Variants in PRR14L observed in about 807,000 individuals in gnomAD.
PRR14L encodes the protein protein PRR14L.
A neutral mutation model predicts 155.0 loss-of-function variants in PRR14L; 80 were observed. The observed-to-expected ratio is 0.52, with a 90% CI of 0.43 to 0.62. PRR14L has a LOEUF of 0.62. PRR14L is among the 20% of genes least tolerant of loss of function. PRR14L has a pLI of 0.00. For missense variants in PRR14L, 2,469 were observed against 2,548.0 expected, an observed-to-expected ratio of 0.97 and a Z score of 0.67; for synonymous variants, 883 against 916.0, an observed-to-expected ratio of 0.96 and a Z score of 0.65.
At chr22:31,701,547 A>G (rs572395607) in intron 7 of PRR14L, 109 bp downstream of exon 7, 37 of 611,732 alleles carry the variant, frequency 6.0e-5, no homozygotes, top group South Asian at 5.4e-4. Context: ...ATAAATTCCT[A>G]GAAATGTAAT....
At position 31,682,516 on chromosome 22, in the gene PRR14L, G is replaced by A. The variant is rs555823256; in HGVS notation, c.*3011C>T. 1.3e-5 allele frequency: 2 copies of A among 151,920 alleles called. No individual in the cohort carries two copies. Among genetic ancestry groups the A allele is most frequent in the Admixed American group, 1.3e-4 (2 of 15,078 alleles). The allele number at this position is 151,920 out of a possible 1,614,324, so 9.4% of individuals were successfully genotyped here. ...GCTGAACTCATGGAGACATGAAGCT[G>A]GAAAGGAGACCAAAAGCAAAAAAAG... On this transcript the variant is annotated 3_prime_UTR_variant, in exon 9 of 9. Coordinates refer to ENST00000327423, the MANE Select transcript of PRR14L (RefSeq NM_173566.3).
At position 31,712,660 on chromosome 22, in the gene PRR14L, T is replaced by A; in HGVS notation, c.5179A>T (p.Ser1727Cys). 1 of 1,551,756 alleles carries A rather than the reference T, an allele frequency of 6.4e-7. No individual in the cohort carries two copies. The highest frequency in any genetic ancestry group is 8.7e-7 in the Non-Finnish European group (1 of 1,147,004). Residue 1727 changes from serine (S) to cysteine (C), a missense_variant, in exon 4 of 9, where the codon AGC becomes TGC. Ser to Cys is a moderately radical substitution (Grantham distance 112). Transcript: ENST00000327423. ...GAGGACTCAGTCGTGCAATCTGAGC[T>A]GGATGATTTCACATGAAAGGATACT... ...FPVSFHVKSS[S>C]SDCTTESSRT...
intron 2 of PRR14L, among the ~76,000 whole-genome samples, chr22:31,733,384 A>C (rs1228782638): frequency 2.1e-5 from 1 of 46,906 alleles, no homozygotes; most frequent in African/African-American, 1.1e-4. Flanking sequence ...GGCTCACTGC[A>C]ACCTCCGCCT....
At chr22:31,707,270 A>C (rs1350127855) in intron 4 of PRR14L, among the ~76,000 whole-genome samples, 2 of 152,246 alleles carry the variant, frequency 1.3e-5, no homozygotes, top group East Asian at 3.8e-4. Flanking sequence ...GAGGTGGGAA[A>C]GAAAGAGCTC....
At chr22:31,709,533 GTTTTTT>G (rs35320368) in intron 4 of PRR14L, among the ~76,000 whole-genome samples, 6 of 88,546 alleles carry the variant, frequency 6.8e-5, no homozygotes, top group African/African-American at 1.8e-4. Context: ...CGCCTGTGGG[GTTTTTT>G]TTTTTTTTTT....
At chr22:31,742,367 CT>C (rs66721130) in intron 1 of PRR14L, among the ~76,000 whole-genome samples, 32,123 of 142,826 alleles carry the variant, frequency 0.22, 4,406 homozygotes, top group African/African-American at 0.43. Flanking sequence ...AAAACTCTTC[CT>C]TTTTTTTTTT....
At chr22:31,746,716 A>G (rs1359799891) in intron 1 of PRR14L, among the ~76,000 whole-genome samples, 1 of 152,210 alleles carries the variant, frequency 6.6e-6, no homozygotes, top group Admixed American at 6.5e-5. Flanking sequence ...TATTCCAGTA[A>G]AAGTAGAAAT....
rs1029607862 is a variant in PRR14L at position 31,719,389 on chromosome 22, G to GT, written c.548-2099dup. 2.0e-5 allele frequency among the ~76,000 whole-genome samples: 3 copies of GT among 151,376 alleles called. No homozygotes were observed. The East Asian group carries it at 5.8e-4, about 29-fold the overall frequency. On this transcript the variant is annotated intron_variant, in intron 3 of 8. Transcript: ENST00000327423. ...ATTGCACTACTGCACTCCAGCCTGG[G>GT]TAACAGAGTAAGCGACCTTGTCTCA...
At chr22:31,701,014 T>C (rs2074560488) in intron 7 of PRR14L, among the ~76,000 whole-genome samples, 1 of 149,514 alleles carries the variant, frequency 6.7e-6, no homozygotes, top group Non-Finnish European at 1.5e-5. Flanking sequence ...TGAGACGGAG[T>C]TTTGCTCTTG....
At chr22:31,698,941 A>T (rs1219752699) in intron 7 of PRR14L, among the ~76,000 whole-genome samples, 2 of 152,088 alleles carry the variant, frequency 1.3e-5, no homozygotes, top group Non-Finnish European at 2.9e-5. Context: ...GTCTAATACC[A>T]GAGTTTAATT....
Position 31,725,574 on chromosome 22 carries a change from GTGA to G in PRR14L, c.508_510del (p.Ser170del). Reference sequence around the variant, plus strand: ...AGAAAATCTTCAGGGAGGTCCACATGTGAAAGTTCTTTGCTGGACTGCATCAGG... The same window carrying G: ...AGAAAATCTTCAGGGAGGTCCACATGAAGTTCTTTGCTGGACTGCATCAGG... On this transcript the variant is annotated inframe_deletion, in exon 3 of 9. Transcript: ENST00000327423. The G allele has an allele frequency of 6.4e-7, 1 of 1,551,230 alleles. No individual in the cohort carries two copies. The highest frequency in any genetic ancestry group is 8.7e-7 in the Non-Finnish European group (1 of 1,146,560).
chr22:31,691,872 CTTT>C (rs781640481), intron 7 of PRR14L, among the ~76,000 whole-genome samples: 1 of 144,088 alleles, frequency 6.9e-6, no homozygotes, highest in Non-Finnish European at 1.5e-5. Context: ...TTTTCAATTC[CTTT>C]TTTTTTTTTT....
Position 31,712,738 on chromosome 22 carries a change from T to C in PRR14L, c.5101A>G (p.Ile1701Val). Residue 1701 changes from isoleucine to valine, a missense_variant, in exon 4 of 9, where the codon ATA (isoleucine) becomes GTA (valine). This residue lies in a region of PRR14L where 2,363 missense variants were observed against 2,371.6 expected (regional missense o/e 1.00). Transcript: ENST00000327423. Reference sequence around the variant, plus strand: ...GACGGCATCTTGTTGCTCAAATCTATGAAGGTCATCTTGATGGATTCGAGA... The same window carrying C: ...GACGGCATCTTGTTGCTCAAATCTACGAAGGTCATCTTGATGGATTCGAGA... Reference protein sequence around the residue: ...YSLESIKMTFIDLSNKMPSLL... With the variant: ...YSLESIKMTFVDLSNKMPSLL... The C allele has an allele frequency of 6.4e-7, 1 of 1,551,830 alleles. No individual in the cohort carries two copies. Among genetic ancestry groups the C allele is most frequent in the Non-Finnish European group, 8.7e-7 (1 of 1,147,030 alleles).
intron 2 of PRR14L, among the ~76,000 whole-genome samples, chr22:31,727,927 C>T (rs891178809): frequency 1.3e-5 from 2 of 150,260 alleles, no homozygotes; most frequent in Non-Finnish European, 3.0e-5. Flanking sequence ...TGCAGTGAGC[C>T]AAGATCATGC....
intron 7 of PRR14L, among the ~76,000 whole-genome samples, chr22:31,695,133 C>T (rs1048765463): frequency 2.6e-5 from 4 of 152,072 alleles, no homozygotes; most frequent in Non-Finnish European, 1.5e-5. Flanking sequence ...AAATAATATA[C>T]CCCCAAAAAA....
At chr22:31,749,223 TTAAG>T (rs2147881470) in intron 1 of PRR14L, among the ~76,000 whole-genome samples, 1 of 152,090 alleles carries the variant, frequency 6.6e-6, no homozygotes, top group Admixed American at 6.6e-5. Flanking sequence ...CACAAAGACG[TTAAG>T]TGAGAGACCC....
Position 31,713,674 on chromosome 22 carries a change from G to T in PRR14L, c.4165C>A (p.Gln1389Lys). Reference protein sequence around the residue: ...CRGILNHAEKQQSPEVLDYML... With the variant: ...CRGILNHAEKKQSPEVLDYML... ...TAGTCCAAAACCTCAGGGCTCTGCT[G>T]TTTTTCAGCATGATTAAGTATCCCC... The change falls in exon 4 of 9, where the codon CAG becomes AAG. Residue 1389 changes from glutamine to lysine, a missense_variant. Gln to Lys is a moderately conservative substitution (Grantham distance 53, BLOSUM62 1). Around this residue, in one of 2 missense-constraint regions of PRR14L, gnomAD observed 2,363 missense variants for 2,371.6 expected, o/e 1.00. Coordinates refer to ENST00000327423, the MANE Select transcript of PRR14L (RefSeq NM_173566.3). The T allele has an allele frequency of 6.4e-7, 1 of 1,552,106 alleles. No homozygotes were observed. Among genetic ancestry groups the T allele is most frequent in the Non-Finnish European group, 8.7e-7 (1 of 1,147,086 alleles).
intron 8 of PRR14L, among the ~76,000 whole-genome samples, chr22:31,687,007 TACAAAC>T (rs1224440950): frequency 6.6e-6 from 1 of 152,180 alleles, no homozygotes; most frequent in African/African-American, 2.4e-5. Context: ...TTGGTAAAAA[TACAAAC>T]ACAAACTACT....
At chr22:31,696,466 T>C (rs1192493548) in intron 7 of PRR14L, among the ~76,000 whole-genome samples, 1 of 152,092 alleles carries the variant, frequency 6.6e-6, no homozygotes, top group Non-Finnish European at 1.5e-5. Context: ...AGAAATGTGG[T>C]CTCACCATGT....
Sources: allele counts gnomAD v4.1 joint callset (sites outside exome capture counted in the v4.1 genomes callset), GRCh38; gene constraint gnomAD v4.1.1; regional missense constraint gnomAD v4.1.1; transcripts MANE v1.5; gene names NCBI Gene and HGNC (gene_info 2026-07-23, HGNC 2026-07-21).